NCS1: variants seen among roughly 807,000 people sequenced by gnomAD.
The protein encoded by NCS1 is neuronal calcium sensor 1, also known as frequenin homolog.
A neutral mutation model predicts 28.4 loss-of-function variants in NCS1; 6 were observed. The ratio of observed to expected loss-of-function variants is 0.21; its 90% confidence interval spans 0.12 to 0.42. The LOEUF (loss-of-function observed/expected upper bound fraction) is 0.42, where lower values mean the gene tolerates loss of function less well. NCS1 is among the 10% of genes least tolerant of loss of function. The pLI, the probability that NCS1 is intolerant of heterozygous loss-of-function variation, is 1.00. For synonymous variants in NCS1, 86 were observed against 99.3 expected (o/e 0.87, Z 0.79); for missense variants, 131 against 241.4 (o/e 0.54, Z 3.03).
At chr9:130,200,009 G>T (rs1259824442) in intron 1 of NCS1, among the ~76,000 whole-genome samples, 1 of 152,142 alleles carries the variant, frequency 6.6e-6, no homozygotes, top group Non-Finnish European at 1.5e-5. Context: ...TCCATTCTTT[G>T]ACGCCAGGCC....
In NCS1 at chr9:130,181,862, G is replaced by T. The variant is rs1025324730; in HGVS notation, c.64+9135G>T. 9.2e-5 allele frequency among the ~76,000 whole-genome samples: 14 copies of T among 152,058 alleles called. No individual in the cohort carries two copies. The highest frequency in any genetic ancestry group is 1.3e-4 in the Non-Finnish European group (9 of 67,988). ...AGGAGTGGGTGAGCCGGGCACTCCT[G>T]TGCGCACGCGTGTGGTGGTGTGTGA... is the stretch of plus-strand genomic sequence containing the variant. On this transcript the variant is annotated intron_variant, in intron 1 of 7. Transcript: ENST00000372398. The surrounding 1 kb of genome is among the most constrained non-coding windows in gnomAD (Gnocchi z 5.0).
intron 2 of NCS1, among the ~76,000 whole-genome samples, chr9:130,205,787 T>G (rs545825925): frequency 9.2e-5 from 14 of 151,538 alleles, no homozygotes; most frequent in African/African-American, 3.2e-4. Flanking sequence ...TGAGCTATGA[T>G]TGTGTCACTG....
At chr9:130,222,552 C>T (rs1178755588) in intron 4 of NCS1, 98 bp from the exon 5 acceptor site, 23 of 950,276 alleles carry the variant, frequency 2.4e-5, no homozygotes, top group Non-Finnish European at 3.4e-5. Flanking sequence ...GCCATCCGGT[C>T]GCTGACTTCA....
intron 1 of NCS1, among the ~76,000 whole-genome samples, chr9:130,197,824 G>A (rs529909417): frequency 2.6e-5 from 4 of 152,232 alleles, no homozygotes; most frequent in South Asian, 2.1e-4. Context: ...TTAGCTGGCC[G>A]TGGTGGTGTA....
At chr9:130,194,728 T>A (rs1832858713) in intron 1 of NCS1, among the ~76,000 whole-genome samples, 2 of 152,140 alleles carry the variant, frequency 1.3e-5, no homozygotes, top group African/African-American at 4.8e-5. Context: ...TCTGGCCCCA[T>A]GGAGAGCATG....
rs933223897 is a variant in NCS1, at chr9:130,226,174, G to A, written c.475-215G>A. Among the ~76,000 whole-genome samples, 11 of 152,262 alleles carry A rather than the reference G, an allele frequency of 7.2e-5. No individual in the cohort carries two copies. Among genetic ancestry groups the A allele is most frequent in the African/African-American group, 2.7e-4 (11 of 41,482 alleles). On this transcript the variant is annotated intron_variant, in intron 6 of 7. Coordinates refer to ENST00000372398, the MANE Select transcript of NCS1 (RefSeq NM_014286.4). The surrounding 1 kb of genome is among the most constrained non-coding windows in gnomAD (Gnocchi z 4.8). ...AGGTAATTACCCTCCATCCCCAGGT[G>A]AAGAAACATGCCCAGAGAGGTGGGC...
chr9:130,230,957 A>C (rs578215538), intron 7 of NCS1, among the ~76,000 whole-genome samples: 1 of 152,320 alleles, frequency 6.6e-6, no homozygotes, highest in Non-Finnish European at 1.5e-5. Context: ...TCTAGTTGCT[A>C]TTCTAGTTTC....
In NCS1 at chr9:130,219,914, C is replaced by T; in HGVS notation, c.307+111C>T. 1 of 1,153,762 alleles carries T rather than the reference C, an allele frequency of 8.7e-7. No homozygotes were observed. Among genetic ancestry groups the T allele is most frequent in the Non-Finnish European group, 1.3e-6 (1 of 778,420 alleles). The allele number at this position is 1,153,762 out of a possible 1,614,324, so 71.5% of individuals were successfully genotyped here. On this transcript the variant is annotated intron_variant, in intron 4 of 7. Transcript: ENST00000372398. This position sits in a 1 kb window ranked among gnomAD's most constrained non-coding sequence, Gnocchi z 5.7. The stretch of plus-strand genomic sequence containing the variant: ...GGTGCCAGACACCCACTGCAGTGAC[C>T]ACAGATGGCGTCCCAGCTGTGTCTG...
At chr9:130,221,346 A>G (rs1217097380) in intron 4 of NCS1, among the ~76,000 whole-genome samples, 1 of 143,122 alleles carries the variant, frequency 7.0e-6, no homozygotes, top group African/African-American at 2.6e-5. Context: ...ATATATATAT[A>G]TATAAAATAT....
intron 1 of NCS1, among the ~76,000 whole-genome samples, chr9:130,179,810 G>C (rs1832628362): frequency 6.6e-6 from 1 of 152,046 alleles, no homozygotes; most frequent in Non-Finnish European, 1.5e-5. Flanking sequence ...GAGACTCTTG[G>C]GGCCAAGTAG....
intron 1 of NCS1, among the ~76,000 whole-genome samples, chr9:130,174,968 C>T (rs1303551867): frequency 3.3e-5 from 5 of 152,072 alleles, no homozygotes; most frequent in African/African-American, 1.2e-4. Flanking sequence ...GGAACTGGCC[C>T]TTGTGGTGCT....
rs142005773 is a variant in NCS1, at chr9:130,219,727, C to T, written c.231C>T (p.Asp77=). The T allele has an allele frequency of 2.9e-3, 4,637 of 1,614,200 alleles. 87 individuals are homozygous for T. The South Asian group carries it at 0.035, about 12-fold the overall frequency. Residue 77 remains aspartate (D), a splice_region_variant and synonymous_variant, in exon 4 of 8, where the codon GAC becomes GAT. Transcript: ENST00000372398. This position sits in a 1 kb window ranked among gnomAD's most constrained non-coding sequence, Gnocchi z 5.7. ...CAATCCCCTCTCTCTCCTGTCAGGA[C>T]GGGCGAATTGAGTTCTCCGAGTTCA... ...FVFNVFDENK[D]GRIEFSEFIQ...
At chr9:130,183,958 C>T (rs542611380) in intron 1 of NCS1, among the ~76,000 whole-genome samples, 3 of 151,986 alleles carry the variant, frequency 2.0e-5, no homozygotes, top group Non-Finnish European at 2.9e-5. Flanking sequence ...CACAGGCGCC[C>T]GCCACCATAC....
At position 130,226,109 on chromosome 9, in the gene NCS1, G is replaced by GT. The variant is rs1300848785; in HGVS notation, c.475-279dup. On this transcript the variant is annotated intron_variant, in intron 6 of 7. Coordinates refer to ENST00000372398, the MANE Select transcript of NCS1 (RefSeq NM_014286.4). The surrounding 1 kb of genome is among the most constrained non-coding windows in gnomAD (Gnocchi z 4.8). ...TGGAGTTACAGGGCACTTCCAGTTG[G>GT]TCAAGCACAGAGCTGTCACCCGAGT... Among the ~76,000 whole-genome samples the GT allele has an allele frequency of 6.6e-6, 1 of 152,210 alleles. No homozygotes were observed. Among genetic ancestry groups the GT allele is most frequent in the Admixed American group, 6.5e-5 (1 of 15,280 alleles).
chr9:130,190,825 C>A (rs566970486), intron 1 of NCS1, among the ~76,000 whole-genome samples: 31 of 152,282 alleles, frequency 2.0e-4, no homozygotes, highest in African/African-American at 6.3e-4. Flanking sequence ...TCTGTGAAAC[C>A]GCAGTTTCTT....
At chr9:130,196,391 A>G (rs781815479) in intron 1 of NCS1, among the ~76,000 whole-genome samples, 1 of 152,068 alleles carries the variant, frequency 6.6e-6, no homozygotes, top group Non-Finnish European at 1.5e-5. Flanking sequence ...ATATTTCTAA[A>G]CCATGTCACA....
At chr9:130,206,311 C>T (rs2131140264) in intron 2 of NCS1, among the ~76,000 whole-genome samples, 1 of 152,278 alleles carries the variant, frequency 6.6e-6, no homozygotes, top group South Asian at 2.1e-4. Context: ...TGAGCACCTG[C>T]ATCCCAAACA....
In NCS1 at chr9:130,234,201, C is replaced by T. The variant is rs984486454; in HGVS notation, c.*1229C>T. 6.6e-6 allele frequency: 1 copy of T among 152,298 alleles called. No homozygotes were observed. The highest frequency in any genetic ancestry group is 2.4e-5 in the African/African-American group (1 of 41,446). The allele number at this position is 152,298 out of a possible 1,614,324, so 9.4% of individuals were successfully genotyped here. ...ATGACTCTCTCCCGCTCTGCCTTCC[C>T]TCCTTCCTATCTGCTTTTTCCAGTA... On this transcript the variant is annotated 3_prime_UTR_variant, in exon 8 of 8. Coordinates refer to ENST00000372398, the MANE Select transcript of NCS1 (RefSeq NM_014286.4). This position sits in a 1 kb window ranked among gnomAD's most constrained non-coding sequence, Gnocchi z 6.1.
intron 1 of NCS1, among the ~76,000 whole-genome samples, chr9:130,194,382 C>T (rs1057178905): frequency 6.6e-5 from 10 of 152,196 alleles, no homozygotes; most frequent in South Asian, 2.1e-4. Context: ...CTGTGGGGTA[C>T]GAGCCTGGAG....
Sources: allele counts gnomAD v4.1 joint callset (sites outside exome capture counted in the v4.1 genomes callset), GRCh38; gene constraint gnomAD v4.1.1; non-coding constraint Gnocchi (gnomAD v3.1); transcripts MANE v1.5; gene names NCBI Gene and HGNC (gene_info 2026-07-23, HGNC 2026-07-21).